LSAMP: variants seen among roughly 807,000 people sequenced by gnomAD.
The protein encoded by LSAMP is limbic system associated membrane protein, also known as limbic system-associated membrane protein.
A neutral mutation model predicts 38.6 loss-of-function variants in LSAMP; 7 were observed. That is an observed-to-expected ratio of 0.18 (90% CI 0.10 to 0.34). The LOEUF (loss-of-function observed/expected upper bound fraction) is 0.34, where lower values mean the gene tolerates loss of function less well. LSAMP is among the 10% of genes least tolerant of loss of function. The pLI is 1.00. For missense variants in LSAMP, 313 were observed against 420.0 expected, an observed-to-expected ratio of 0.75 and a Z score of 2.23; for synonymous variants, 154 against 166.8, an observed-to-expected ratio of 0.92 and a Z score of 0.59.
intron 1 of LSAMP, among the ~76,000 whole-genome samples, chr3:116,436,875 C>A (rs1271192998): frequency 6.6e-6 from 1 of 152,054 alleles, no homozygotes; most frequent in Non-Finnish European, 1.5e-5. Context: ...AAGATACTTG[C>A]ACACGCATGT....
intron 1 of LSAMP, among the ~76,000 whole-genome samples, chr3:116,345,335 TG>T (rs2048051518): frequency 6.6e-6 from 1 of 152,198 alleles, no homozygotes. Context: ...AACTTAATAT[TG>T]TAAAAATGCA....
At chr3:116,356,001 T>A (rs1370551654) in intron 1 of LSAMP, among the ~76,000 whole-genome samples, 1 of 152,182 alleles carries the variant, frequency 6.6e-6, no homozygotes, top group Admixed American at 6.5e-5. Context: ...GTACAGCCAC[T>A]ATGGAGAATA....
rs115413853 is a variant in LSAMP at position 115,851,917 on chromosome 3, G to A, written c.649+566C>T. On this transcript the variant is annotated intron_variant, in intron 4 of 6. Transcript: ENST00000490035. ...TATGCCCACTTACCTATGCATCTTAGTGAAATCTTCCTTTCTAATGCCCAT... is the reference window on the plus strand; with the variant it reads ...TATGCCCACTTACCTATGCATCTTAATGAAATCTTCCTTTCTAATGCCCAT... Among the ~76,000 whole-genome samples the A allele has an allele frequency of 2.9e-3, 436 of 152,168 alleles. 1 individual carries two copies. Among genetic ancestry groups the A allele is most frequent in the African/African-American group, 0.01 (423 of 41,514 alleles).
At chr3:116,116,183 T>C (rs1487740166) in intron 1 of LSAMP, among the ~76,000 whole-genome samples, 1 of 151,450 alleles carries the variant, frequency 6.6e-6, no homozygotes, top group Non-Finnish European at 1.5e-5. Flanking sequence ...GTCTATTGGG[T>C]TTTTTATTAC....
At chr3:116,082,856 G>A (rs1398653529) in intron 2 of LSAMP, among the ~76,000 whole-genome samples, 1 of 152,030 alleles carries the variant, frequency 6.6e-6, no homozygotes, top group Non-Finnish European at 1.5e-5. Context: ...TGAACACAAA[G>A]AAGGAAACAA....
At chr3:116,241,883 T>G (rs1381566105) in intron 1 of LSAMP, among the ~76,000 whole-genome samples, 1 of 152,358 alleles carries the variant, frequency 6.6e-6, no homozygotes, top group African/African-American at 2.4e-5. Flanking sequence ...CCATTGGAAT[T>G]GGGGGTGTAA....
intron 3 of LSAMP, among the ~76,000 whole-genome samples, chr3:116,010,545 T>C (rs1224293806): frequency 5.3e-5 from 8 of 152,104 alleles, no homozygotes; most frequent in African/African-American, 1.7e-4. Flanking sequence ...AAAAGAACAA[T>C]TGCTGATAAT....
intron 4 of LSAMP, among the ~76,000 whole-genome samples, chr3:115,848,716 A>G (rs1451413845): frequency 6.6e-6 from 1 of 152,220 alleles, no homozygotes; most frequent in East Asian, 1.9e-4. Flanking sequence ...ATTCAAAGAG[A>G]CAGACAAATA....
At chr3:116,070,653 G>A (rs1378564957) in intron 2 of LSAMP, among the ~76,000 whole-genome samples, 2 of 152,146 alleles carry the variant, frequency 1.3e-5, no homozygotes, top group Non-Finnish European at 2.9e-5. Context: ...GATTGACAAG[G>A]TCCTACCCAC....
At chr3:116,143,679 A>G (rs541649926) in intron 1 of LSAMP, among the ~76,000 whole-genome samples, 24 of 151,980 alleles carry the variant, frequency 1.6e-4, no homozygotes, top group African/African-American at 5.8e-4. Flanking sequence ...TCTTTGTTTT[A>G]CTTGATTATT....
chr3:115,810,103 A>G lies in LSAMP; in HGVS notation c.*214T>C. 1.9e-6 allele frequency: 1 copy of G among 525,418 alleles called. No individual in the cohort carries two copies. Among genetic ancestry groups the G allele is most frequent in the Admixed American group, 3.3e-5 (1 of 30,042 alleles). The allele number at this position is 525,418 out of a possible 1,614,324, so 32.5% of individuals were successfully genotyped here. On this transcript the variant is annotated 3_prime_UTR_variant, in exon 7 of 7. Transcript: ENST00000490035. Reference sequence around the variant, plus strand: ...TAGAACCTTCTCCATCCTGAATGATACATAAATTTTTAATGATGGACTGTA... The same window carrying G: ...TAGAACCTTCTCCATCCTGAATGATGCATAAATTTTTAATGATGGACTGTA...
At chr3:116,202,812 C>A (rs1439397349) in intron 1 of LSAMP, among the ~76,000 whole-genome samples, 1 of 152,166 alleles carries the variant, frequency 6.6e-6, no homozygotes, top group Non-Finnish European at 1.5e-5. Flanking sequence ...TCAGTAAACT[C>A]CCCTAGGATG....
At chr3:116,317,369 T>C (rs1334561865) in intron 1 of LSAMP, among the ~76,000 whole-genome samples, 1 of 151,388 alleles carries the variant, frequency 6.6e-6, no homozygotes, top group African/African-American at 2.4e-5. Context: ...TTTTTTTTTT[T>C]TTTTGAGACG....
At chr3:116,231,387 G>A (rs891342683) in intron 1 of LSAMP, among the ~76,000 whole-genome samples, 8 of 152,232 alleles carry the variant, frequency 5.3e-5, no homozygotes, top group Admixed American at 1.3e-4. Context: ...TGATTTTTCC[G>A]AATTTTGCTT....
In LSAMP at chr3:116,181,020, A is replaced by G. The variant is rs17642975; in HGVS notation, c.156-94464T>C. Among the ~76,000 whole-genome samples, 1,352 of 152,072 alleles carry G rather than the reference A, an allele frequency of 8.9e-3. 22 individuals carry two copies. Among genetic ancestry groups the G allele is most frequent in the Middle Eastern group, 0.054 (16 of 294 alleles). On this transcript the variant is annotated intron_variant, in intron 1 of 6. Coordinates refer to ENST00000490035, the MANE Select transcript of LSAMP (RefSeq NM_002338.5). Reference sequence around the variant, plus strand: ...CAAGATAATTTTCATAGTGTTTTGTACTCCAAGTGACTCTTTTAACCATTA... The same window carrying G: ...CAAGATAATTTTCATAGTGTTTTGTGCTCCAAGTGACTCTTTTAACCATTA...
At chr3:115,973,195 G>T (rs1014607358) in intron 3 of LSAMP, among the ~76,000 whole-genome samples, 1 of 152,094 alleles carries the variant, frequency 6.6e-6, no homozygotes, top group Non-Finnish European at 1.5e-5. Context: ...TGGGGTAGGA[G>T]AATTACATGA....
intron 1 of LSAMP, among the ~76,000 whole-genome samples, chr3:116,239,205 G>A (rs1298284149): frequency 6.6e-6 from 1 of 152,138 alleles, no homozygotes; most frequent in African/African-American, 2.4e-5. Flanking sequence ...CATGAGTAGA[G>A]TAAAGGGGAT....
At chr3:116,231,591 A>T (rs2046403075) in intron 1 of LSAMP, among the ~76,000 whole-genome samples, 2 of 152,226 alleles carry the variant, frequency 1.3e-5, no homozygotes, top group African/African-American at 4.8e-5. Flanking sequence ...TCTTCAAAGA[A>T]TTGATACACT....
intron 3 of LSAMP, among the ~76,000 whole-genome samples, chr3:115,911,296 A>T (rs1474791939): frequency 6.6e-6 from 1 of 152,166 alleles, no homozygotes; most frequent in Non-Finnish European, 1.5e-5. Flanking sequence ...TGAGAAACAT[A>T]TGGGTTGTTT....
Sources: gnomAD v4.1 joint callset for allele counts (sites outside exome capture counted in the v4.1 genomes callset) on GRCh38, gnomAD v4.1.1 for gene constraint, MANE v1.5 for transcripts, NCBI Gene and HGNC (gene_info 2026-07-23, HGNC 2026-07-21) for gene names.